ASB13: variants seen among roughly 807,000 people sequenced by gnomAD.
ASB13 encodes the protein ankyrin repeat and SOCS box protein 13.
Under a neutral mutation model 28.8 loss-of-function variants are expected in ASB13, and 33 were observed. The observed-to-expected ratio is 1.15, with a 90% CI of 0.87 to 1.53. ASB13 has a LOEUF of 1.53. Ranked by LOEUF, ASB13 falls within the 40% of genes most tolerant of loss-of-function variation. ASB13 has a pLI of 0.00. For synonymous variants in ASB13, 182 were observed against 172.9 expected (o/e 1.05, Z -0.41); for missense variants, 414 against 390.1 (o/e 1.06, Z -0.52).
In ASB13 at chr10:5,651,241, C is replaced by T. The variant is rs1325401021; in HGVS notation, c.354G>A (p.Ala118=). The T allele has an allele frequency of 2.0e-5, 32 of 1,613,072 alleles. No individual in the cohort carries two copies. Among genetic ancestry groups the T allele is most frequent in the African/African-American group, 4.0e-5 (3 of 74,882 alleles). ...TCATGCAGGCCTCGTGCAGGGGGGACGCTGTGTACAGGGGAGGGTTGACCT... is the reference window on the plus strand; with the variant it reads ...TCATGCAGGCCTCGTGCAGGGGGGATGCTGTGTACAGGGGAGGGTTGACCT... ...GAKVNPPLYT[A]SPLHEACMSG... The change falls in exon 3 of 6, where the codon GCG becomes GCA. Residue 118 remains alanine (A), a synonymous_variant. Transcript: ENST00000357700. This position sits in a 1 kb window ranked among gnomAD's most constrained non-coding sequence, Gnocchi z 5.1.
Position 5,651,071 on chromosome 10 carries a change from A to G in ASB13, c.382+142T>C, listed in dbSNP as rs1222121600. The G allele has an allele frequency of 8.9e-7, 1 of 1,128,238 alleles. No homozygotes were observed. Among genetic ancestry groups the G allele is most frequent in the Non-Finnish European group, 1.2e-6 (1 of 809,348 alleles). 69.9% of individuals were successfully genotyped at this position (1,128,238 alleles called of 1,614,324 possible). On this transcript the variant is annotated intron_variant, in intron 3 of 5. Coordinates refer to ENST00000357700, the MANE Select transcript of ASB13 (RefSeq NM_024701.4). This position sits in a 1 kb window ranked among gnomAD's most constrained non-coding sequence, Gnocchi z 5.1. ...CTCTGCAGCTGAGCCACCAGGAGCC[A>G]GAAACAGACTCAGAACTCTCCTTCA...
At position 5,640,379 on chromosome 10, in the gene ASB13, G is replaced by A. The variant is rs17142275; in HGVS notation, c.*324C>T. The A allele has an allele frequency of 0.013, 2,879 of 217,888 alleles. 42 individuals are homozygous for A. The highest frequency in any genetic ancestry group is 0.076 in the East Asian group (614 of 8,074). The allele number at this position is 217,888 out of a possible 1,614,324, so 13.5% of individuals were successfully genotyped here. On this transcript the variant is annotated 3_prime_UTR_variant, in exon 6 of 6. Transcript: ENST00000357700. ...TGCCAGCCTCCTCTGTGCTCCCCAC[G>A]CCGTCTGTCCTGAGAGTGCCTTTGA...
rs1486498161 is a variant in ASB13 at position 5,664,591 on chromosome 10, G to C, written c.43+1918C>G. On this transcript the variant is annotated intron_variant, in intron 1 of 5. Coordinates refer to ENST00000357700, the MANE Select transcript of ASB13 (RefSeq NM_024701.4). The surrounding 1 kb of genome is among the most constrained non-coding windows in gnomAD (Gnocchi z 4.2). ...GGAGGACCCTGGGGGGAACGTACGG[G>C]GGAGTGGGGGAGCAGCCAGTAGGTT... is the stretch of plus-strand genomic sequence containing the variant. Among the ~76,000 whole-genome samples, 3 of 152,158 alleles carry C rather than the reference G, an allele frequency of 2.0e-5. No individual in the cohort carries two copies. In the East Asian group the frequency reaches 5.8e-4, roughly 29 times the overall value.
At chr10:5,648,667 C>CAAACACCCCCTCGGGT (rs1389161378) in intron 4 of ASB13, among the ~76,000 whole-genome samples, 2 of 146,440 alleles carry the variant, frequency 1.4e-5, no homozygotes, top group African/African-American at 5.1e-5. Context: ...CCCACTCGGG[C>CAAACACCCCCTCGGGT]AAACACCCCC....
At chr10:5,662,538 G>C (rs1384049477) in intron 1 of ASB13, among the ~76,000 whole-genome samples, 2 of 42,840 alleles carry the variant, frequency 4.7e-5, no homozygotes, top group East Asian at 7.7e-4. Context: ...GAGAAGGGGG[G>C]GGGAGGGGAG....
chr10:5,648,629 C>T (rs567388188), intron 4 of ASB13, among the ~76,000 whole-genome samples: 10 of 151,622 alleles, frequency 6.6e-5, no homozygotes, highest in East Asian at 3.9e-4. Flanking sequence ...TAAACAACCA[C>T]GCAGGTAAAC....
rs1208060801 is a variant in ASB13 at position 5,652,976 on chromosome 10, C to G, written c.118G>C (p.Glu40Gln). ...GESLQLQQLI[E>Q]SGACVNQVTV... ...ACCTGGTTCACGCAGGCGCCGCTCT[C>G]GATCAGCTGTTGCAGCTGCAGGCTC... The change falls in exon 2 of 6, where the codon GAG becomes CAG. Residue 40 changes from glutamate (E) to glutamine (Q), a missense_variant. By Grantham distance (29) the Glu-to-Gln change is conservative (BLOSUM62 2). Coordinates refer to ENST00000357700, the MANE Select transcript of ASB13 (RefSeq NM_024701.4). This position sits in a 1 kb window ranked among gnomAD's most constrained non-coding sequence, Gnocchi z 5.0. 1 of 1,560,242 alleles carries G rather than the reference C, an allele frequency of 6.4e-7. No homozygotes were observed. Among genetic ancestry groups the G allele is most frequent in the Admixed American group, 1.9e-5 (1 of 51,728 alleles).
In ASB13 at chr10:5,655,534, G is replaced by C. The variant is rs911092573; in HGVS notation, c.44-2484C>G. The stretch of plus-strand genomic sequence containing the variant: ...TGTCTTGTCCACAGCCAAAGAGCCC[G>C]GGTGACCCTATGTCAGTGGAAGTGG... On this transcript the variant is annotated intron_variant, in intron 1 of 5. Coordinates refer to ENST00000357700, the MANE Select transcript of ASB13 (RefSeq NM_024701.4). The surrounding 1 kb of genome is among the most constrained non-coding windows in gnomAD (Gnocchi z 6.2). Among the ~76,000 whole-genome samples the C allele has an allele frequency of 1.3e-5, 2 of 152,180 alleles. No homozygotes were observed. Among genetic ancestry groups the C allele is most frequent in the African/African-American group, 4.8e-5 (2 of 41,442 alleles).
rs533198378 is a variant in ASB13 at position 5,649,184 on chromosome 10, A to G, written c.383-80T>C. ...ACAAGCACACAGACGCGGCAGGGGC[A>G]GCAGCCTCCATCCTTGGTGCAGGGC... On this transcript the variant is annotated intron_variant, in intron 3 of 5. Transcript: ENST00000357700. This position sits in a 1 kb window ranked among gnomAD's most constrained non-coding sequence, Gnocchi z 6.4. 2 of 1,578,630 alleles carry G rather than the reference A, an allele frequency of 1.3e-6. No individual in the cohort carries two copies. The highest frequency in any genetic ancestry group is 1.3e-5 in the African/African-American group (1 of 74,646).
Position 5,639,924 on chromosome 10 carries a change from C to T in ASB13, c.*779G>A, listed in dbSNP as rs1297524105. On this transcript the variant is annotated 3_prime_UTR_variant, in exon 6 of 6. Transcript: ENST00000357700. ...CGGTTTGAATGGCTCATTACCAAAACCTTAGTGGTACCGCCTACGTGTCCT... is the reference window on the plus strand; with the variant it reads ...CGGTTTGAATGGCTCATTACCAAAATCTTAGTGGTACCGCCTACGTGTCCT... 6.6e-6 allele frequency: 1 copy of T among 152,536 alleles called. No individual in the cohort carries two copies. Among genetic ancestry groups the T allele is most frequent in the Non-Finnish European group, 1.5e-5 (1 of 68,032 alleles). The allele number at this position is 152,536 out of a possible 1,614,324, so 9.4% of individuals were successfully genotyped here.
Position 5,641,940 on chromosome 10 carries a change from T to G in ASB13, c.539A>C (p.Lys180Thr), listed in dbSNP as rs772039000. The change falls in exon 5 of 6, where the codon AAG (lysine) becomes ACG (threonine). Residue 180 changes from lysine (K) to threonine (T), a missense_variant. Physicochemically the swap from Lys to Thr is moderately conservative, Grantham distance 78. Transcript: ENST00000357700. The surrounding 1 kb of genome is among the most constrained non-coding windows in gnomAD (Gnocchi z 8.4). ...LNAGANVNAA[K>T]LHETALHHAA... The stretch of plus-strand genomic sequence containing the variant: ...GTGGTGAAGGGCAGTCTCATGAAGC[T>G]TTGCCGCATTCACGTTGGCCCCTGG... The G allele has an allele frequency of 4.4e-6, 7 of 1,605,276 alleles. No homozygotes were observed. The highest frequency in any genetic ancestry group is 6.0e-6 in the Non-Finnish European group (7 of 1,172,604).
chr10:5,648,459 CAAACACCCACTCAGGT>C lies in ASB13; in HGVS notation c.517+495_517+510del, dbSNP rs779163713. Among the ~76,000 whole-genome samples the C allele has an allele frequency of 5.5e-3, 765 of 139,362 alleles. 9 individuals are homozygous for C. The highest frequency in any genetic ancestry group is 6.6e-3 in the Non-Finnish European group (424 of 63,820). 91.4% of individuals were successfully genotyped at this position (139,362 alleles called of 152,430 possible). A position where few individuals can be genotyped will look rare whatever the true frequency, so the allele number is the denominator to read the frequency against. ...CCACTCAGGTAAACACCCACGCAGG[CAAACACCCACTCAGGT>C]AAACACCCACTCGGGCAAACACCCA... On this transcript the variant is annotated intron_variant, in intron 4 of 5. Transcript: ENST00000357700.
rs1254916046 is a variant in ASB13, at chr10:5,653,039, C to A, written c.55G>T (p.Glu19Ter). The A allele has an allele frequency of 2.6e-6, 4 of 1,544,994 alleles. No individual in the cohort carries two copies. The Admixed American group carries it at 5.9e-5, about 23-fold the overall frequency. ...CFLGDVGFWVERTPVHEAAQR... is the reference protein window; with the variant it reads ...CFLGDVGFWV ...GCTGCCTCGTGCACAGGGGTCCGCT[C>A]CACCCAGAAACCTGGAAAGGAAGGG... The change falls in exon 2 of 6, where the codon GAG becomes TAG. Residue 19 changes from glutamate to a stop codon, truncating the protein, a stop_gained. Transcript: ENST00000357700. LOFTEE classifies it high-confidence loss of function.
chr10:5,645,068 G>T lies in ASB13; in HGVS notation c.518-3107C>A, dbSNP rs952782847. Among the ~76,000 whole-genome samples, 3 of 151,928 alleles carry T rather than the reference G, an allele frequency of 2.0e-5. No individual in the cohort carries two copies. Among genetic ancestry groups the T allele is most frequent in the African/African-American group, 4.8e-5 (2 of 41,344 alleles). On this transcript the variant is annotated intron_variant, in intron 4 of 5. Coordinates refer to ENST00000357700, the MANE Select transcript of ASB13 (RefSeq NM_024701.4). This position sits in a 1 kb window ranked among gnomAD's most constrained non-coding sequence, Gnocchi z 5.4. ...CTTCAGAGAAAAGGGGTCAACACAGGCTCATTACCAAAATCCTGCTTTCAA... is the reference window on the plus strand; with the variant it reads ...CTTCAGAGAAAAGGGGTCAACACAGTCTCATTACCAAAATCCTGCTTTCAA...
At position 5,639,121 on chromosome 10, in the gene ASB13, G is replaced by C. The variant is rs1192636810; in HGVS notation, c.*1582C>G. On this transcript the variant is annotated 3_prime_UTR_variant, in exon 6 of 6. Coordinates refer to ENST00000357700, the MANE Select transcript of ASB13 (RefSeq NM_024701.4). Reference sequence around the variant, plus strand: ...TCAGTTTAGGACGAAGACCCGCCATGACAATGGCGGGAACGCTGGAGTAAA... The same window carrying C: ...TCAGTTTAGGACGAAGACCCGCCATCACAATGGCGGGAACGCTGGAGTAAA... The C allele has an allele frequency of 6.5e-6, 1 of 152,692 alleles. No individual in the cohort carries two copies. The allele number at this position is 152,692 out of a possible 1,614,324, so 9.5% of individuals were successfully genotyped here. A position where few individuals can be genotyped will look rare whatever the true frequency, so the allele number is the denominator to read the frequency against.
chr10:5,643,225 A>G (rs545790311), intron 4 of ASB13, among the ~76,000 whole-genome samples: 1 of 152,370 alleles, frequency 6.6e-6, no homozygotes, highest in African/African-American at 2.4e-5. Context: ...ACAATCAGAC[A>G]CTAGCATGCC....
At chr10:5,666,362 A>T in intron 1 of ASB13, 147 bp downstream of exon 1, 1 of 545,302 alleles carries the variant, frequency 1.8e-6, no homozygotes, top group Non-Finnish European at 2.5e-6. Flanking sequence ...CCCTGCTTTC[A>T]CCGCGGCCCA....
In ASB13 at chr10:5,642,599, A is replaced by G. The variant is rs1333390816; in HGVS notation, c.518-638T>C. On this transcript the variant is annotated intron_variant, in intron 4 of 5. Transcript: ENST00000357700. This position sits in a 1 kb window ranked among gnomAD's most constrained non-coding sequence, Gnocchi z 4.1. ...AAAAAAATTTTTTTTTAAAAAAAAG[A>G]GCAGACATTCAGAAAGATGCAAGGA... 4.0e-6 allele frequency: 4 copies of G among 995,660 alleles called. No individual in the cohort carries two copies. The highest frequency in any genetic ancestry group is 5.3e-6 in the Non-Finnish European group (4 of 751,214). The allele number at this position is 995,660 out of a possible 1,614,324, so 61.7% of individuals were successfully genotyped here. A position where few individuals can be genotyped will look rare whatever the true frequency, so the allele number is the denominator to read the frequency against.
In ASB13 at chr10:5,655,675, A is replaced by G. The variant is rs1439423532; in HGVS notation, c.44-2625T>C. ...GTGGCCCTCAGCCCCACCAGTAGTA[A>G]TGAACAGTAACCCACTGCCCTCCTG... On this transcript the variant is annotated intron_variant, in intron 1 of 5. Coordinates refer to ENST00000357700, the MANE Select transcript of ASB13 (RefSeq NM_024701.4). This position sits in a 1 kb window ranked among gnomAD's most constrained non-coding sequence, Gnocchi z 6.2. Among the ~76,000 whole-genome samples, 1 of 152,190 alleles carries G rather than the reference A, an allele frequency of 6.6e-6. No homozygotes were observed. Among genetic ancestry groups the G allele is most frequent in the Non-Finnish European group, 1.5e-5 (1 of 68,026 alleles).
Sources: gnomAD v4.1 joint callset for allele counts (sites outside exome capture counted in the v4.1 genomes callset) on GRCh38, gnomAD v4.1.1 for gene constraint, Gnocchi (gnomAD v3.1) non-coding constraint, MANE v1.5 for transcripts, NCBI Gene and HGNC (gene_info 2026-07-23, HGNC 2026-07-21) for gene names.